The following ARHGAP26 variants were observed in gnomAD, a reference collection of about 807,000 sequenced individuals.
The protein encoded by ARHGAP26 is rho GTPase-activating protein 26.
A neutral mutation model predicts 104.8 loss-of-function variants in ARHGAP26; 38 were observed. The ratio of observed to expected loss-of-function variants is 0.36; its 90% CI spans 0.28 to 0.48. The LOEUF is 0.48. ARHGAP26 is among the 20% of genes least tolerant of loss of function. The probability of loss-of-function intolerance (pLI) is 0.99; values close to 1 mark genes in which losing one functional copy is unlikely to be tolerated. For missense variants in ARHGAP26, 704 were observed against 947.9 expected, an observed-to-expected ratio of 0.74 and a Z score of 3.38; for synonymous variants, 341 against 340.0, an observed-to-expected ratio of 1.00 and a Z score of -0.03.
At chr5:143,064,146 G>A (rs189452895) in intron 17 of ARHGAP26, among the ~76,000 whole-genome samples, 19 of 152,156 alleles carry the variant, frequency 1.2e-4, no homozygotes, top group Admixed American at 7.2e-4. Flanking sequence ...ATTGGCTGGA[G>A]CTGAGTAGAA....
At chr5:143,120,815 G>A (rs1363934758) in intron 17 of ARHGAP26, among the ~76,000 whole-genome samples, 173 bp from the exon 18 acceptor site, 1 of 152,212 alleles carries the variant, frequency 6.6e-6, no homozygotes, top group African/African-American at 2.4e-5. Flanking sequence ...GGATGCTGAA[G>A]ATTTCTGAAA....
At chr5:143,090,981 C>G (rs1389214045) in intron 17 of ARHGAP26, among the ~76,000 whole-genome samples, 2 of 152,042 alleles carry the variant, frequency 1.3e-5, no homozygotes, top group African/African-American at 4.8e-5. Flanking sequence ...CAGGGTATAA[C>G]AAGACAAGCA....
At chr5:143,216,377 A>G in intron 22 of ARHGAP26, 1 of 456,578 alleles carries the variant, frequency 2.2e-6, no homozygotes, top group Non-Finnish European at 4.5e-6. Flanking sequence ...AAAGCCCTTC[A>G]GTGGCCTCCC....
At chr5:142,813,006 C>T (rs945568876) in intron 1 of ARHGAP26, among the ~76,000 whole-genome samples, 4 of 149,084 alleles carry the variant, frequency 2.7e-5, no homozygotes, top group South Asian at 2.1e-4. Flanking sequence ...GGCGCGATCT[C>T]GGCTCACTGC....
At chr5:142,997,799 G>A (rs1402411730) in intron 11 of ARHGAP26, among the ~76,000 whole-genome samples, 2 of 151,386 alleles carry the variant, frequency 1.3e-5, no homozygotes, top group African/African-American at 4.9e-5. Flanking sequence ...TTTTGCTAAA[G>A]TGGTCCCCAG....
chr5:142,930,180 C>G (rs1427061416), intron 10 of ARHGAP26, among the ~76,000 whole-genome samples: 7 of 152,172 alleles, frequency 4.6e-5, no homozygotes, highest in Non-Finnish European at 8.8e-5. Flanking sequence ...CTGCAATAGA[C>G]AGTAGCTGCA....
rs1481292562 is a variant in ARHGAP26, at chr5:143,225,189, G to A, written c.*2743G>A. 5.0e-6 allele frequency: 1 copy of A among 198,172 alleles called. No homozygotes were observed. Among genetic ancestry groups the A allele is most frequent in the Non-Finnish European group, 1.0e-5 (1 of 95,740 alleles). 12.3% of individuals were successfully genotyped at this position (198,172 alleles called of 1,614,324 possible). On this transcript the variant is annotated 3_prime_UTR_variant, in exon 23 of 23. Coordinates refer to ENST00000645722, the MANE Select transcript of ARHGAP26 (RefSeq NM_001135608.3). ...ACATTTGATGAGGTTTTTTATTTGTGTTTTTGTTTGTTTTTTGAGATGGAG... is the reference window on the plus strand; with the variant it reads ...ACATTTGATGAGGTTTTTTATTTGTATTTTTGTTTGTTTTTTGAGATGGAG...
intron 14 of ARHGAP26, among the ~76,000 whole-genome samples, chr5:143,049,913 T>C (rs1784759106): frequency 6.6e-6 from 1 of 152,232 alleles, no homozygotes; most frequent in Non-Finnish European, 1.5e-5. Context: ...GCTCTCCTTC[T>C]GATTCACTTG....
chr5:143,042,156 GT>G (rs1446571181), intron 14 of ARHGAP26, among the ~76,000 whole-genome samples: 1 of 152,166 alleles, frequency 6.6e-6, no homozygotes, highest in African/African-American at 2.4e-5. Context: ...TCTGGTCCAA[GT>G]GGCACTCAGT....
chr5:143,028,159 A>G (rs760005827), intron 12 of ARHGAP26, among the ~76,000 whole-genome samples: 87 of 152,268 alleles, frequency 5.7e-4, no homozygotes, highest in Non-Finnish European at 9.4e-4. Flanking sequence ...CCTATCTACA[A>G]AATACGGATG....
At chr5:142,829,737 T>C (rs1042908683) in intron 1 of ARHGAP26, among the ~76,000 whole-genome samples, 1 of 152,318 alleles carries the variant, frequency 6.6e-6, no homozygotes, top group East Asian at 1.9e-4. Context: ...AAGCAGGTAA[T>C]GGTGAACAAG....
At chr5:143,040,848 A>G (rs766732409) in intron 13 of ARHGAP26, among the ~76,000 whole-genome samples, 3 of 152,246 alleles carry the variant, frequency 2.0e-5, no homozygotes, top group Non-Finnish European at 4.4e-5. Context: ...CAATGATGCA[A>G]TCAGAGGTAG....
chr5:143,095,529 A>G (rs1045836776), intron 17 of ARHGAP26, among the ~76,000 whole-genome samples: 1 of 152,238 alleles, frequency 6.6e-6, no homozygotes, highest in African/African-American at 2.4e-5. Context: ...AATTTATTAA[A>G]TGACATTTTA....
At chr5:142,948,596 A>G (rs567490195) in intron 11 of ARHGAP26, among the ~76,000 whole-genome samples, 1 of 151,564 alleles carries the variant, frequency 6.6e-6, no homozygotes, top group African/African-American at 2.4e-5. Context: ...ATAGTTAACA[A>G]TTGATTTTAG....
intron 12 of ARHGAP26, among the ~76,000 whole-genome samples, chr5:143,027,282 G>A (rs937206849): frequency 4.0e-5 from 6 of 149,504 alleles, no homozygotes; most frequent in Admixed American, 1.3e-4. Flanking sequence ...AGTGATTATC[G>A]TGCCTCAGCC....
chr5:143,038,887 G>A (rs1025183685), intron 13 of ARHGAP26, among the ~76,000 whole-genome samples: 1 of 151,454 alleles, frequency 6.6e-6, no homozygotes, highest in African/African-American at 2.4e-5. Flanking sequence ...ATAGAGATGG[G>A]GTTTCACCAT....
chr5:143,147,803 A>G (rs258798), intron 20 of ARHGAP26, among the ~76,000 whole-genome samples: 36,330 of 152,066 alleles, frequency 0.24, 7,277 homozygotes, highest in African/African-American at 0.54. Flanking sequence ...TGCCAACTCC[A>G]TGTCCACTTC....
chr5:142,806,019 T>G (rs1762920834), intron 1 of ARHGAP26, among the ~76,000 whole-genome samples: 1 of 152,260 alleles, frequency 6.6e-6, no homozygotes, highest in African/African-American at 2.4e-5. Flanking sequence ...TTCATAAGCC[T>G]AAATTTATAT....
chr5:142,908,524 A>G (rs1761417278), intron 9 of ARHGAP26, among the ~76,000 whole-genome samples: 1 of 152,232 alleles, frequency 6.6e-6, no homozygotes, highest in Non-Finnish European at 1.5e-5. Flanking sequence ...TGGTGGCCTC[A>G]GGGCAGCAAA....
Sources: gnomAD v4.1 joint callset for allele counts (sites outside exome capture counted in the v4.1 genomes callset) on GRCh38, gnomAD v4.1.1 for gene constraint, MANE v1.5 for transcripts, NCBI Gene and HGNC (gene_info 2026-07-23, HGNC 2026-07-21) for gene names.